SYT7: variants seen among roughly 807,000 people sequenced by gnomAD.
The protein encoded by SYT7 is synaptotagmin-7.
In SYT7, 29 loss-of-function variants were observed where a neutral mutation model predicts 75.1. The observed-to-expected ratio is 0.39, with a 90% CI of 0.29 to 0.53. SYT7 has a LOEUF of 0.53. Ranked by LOEUF, SYT7 falls within the 20% of genes least tolerant of loss-of-function variation. The probability of loss-of-function intolerance (pLI) is 0.77; values close to 1 mark genes in which losing one functional copy is unlikely to be tolerated. For missense variants in SYT7, 693 were observed against 953.2 expected (o/e 0.73, Z 3.59); for synonymous variants, 376 against 401.7 (o/e 0.94, Z 0.76).
At chr11:61,529,295 G>A (rs2062628067) in intron 8 of SYT7, among the ~76,000 whole-genome samples, 1 of 152,186 alleles carries the variant, frequency 6.6e-6, no homozygotes, top group Non-Finnish European at 1.5e-5. Context: ...TCATCCTGGA[G>A]AGGCAGCCCT....
At chr11:61,521,298 C>T (rs2062321227) in intron 12 of SYT7, among the ~76,000 whole-genome samples, 1 of 152,202 alleles carries the variant, frequency 6.6e-6, no homozygotes, top group African/African-American at 2.4e-5. Context: ...TTTGGTTCAG[C>T]CAACAGAAGG....
At chr11:61,533,612 G>T (rs769886949) in intron 7 of SYT7, 15 of 985,220 alleles carry the variant, frequency 1.5e-5, no homozygotes, top group African/African-American at 1.7e-5. Context: ...ACCTGTGTTT[G>T]CTTGGGCTCA....
chr11:61,572,522 T>C (rs748558405), intron 1 of SYT7, among the ~76,000 whole-genome samples: 1 of 152,190 alleles, frequency 6.6e-6, no homozygotes, highest in Non-Finnish European at 1.5e-5. Context: ...CCTGCTCTAC[T>C]GAGTGACCCG....
chr11:61,545,320 G>T (rs1391661375), intron 5 of SYT7, among the ~76,000 whole-genome samples: 1 of 152,236 alleles, frequency 6.6e-6, no homozygotes, highest in Non-Finnish European at 1.5e-5. Flanking sequence ...CATCTGGCAA[G>T]TGAAGCTAGC....
At position 61,513,904 on chromosome 11, in the gene SYT7, C is replaced by T. The variant is rs1478137117; in HGVS notation, c.*4723G>A. Among the ~76,000 whole-genome samples the T allele has an allele frequency of 3.9e-5, 6 of 152,156 alleles. No individual in the cohort carries two copies. Among genetic ancestry groups the T allele is most frequent in the East Asian group, 1.9e-4 (1 of 5,188 alleles). On this transcript the variant is annotated 3_prime_UTR_variant, in exon 13 of 13. Coordinates refer to ENST00000539008, the MANE Select transcript of SYT7 (RefSeq NM_001365809.2). ...TCTGGGGAGCCACGAGCTGGGGCAT[C>T]GGCGTGCTCAAGGCTTGTCCTTCTG... is the stretch of plus-strand genomic sequence containing the variant.
intron 6 of SYT7, chr11:61,539,810 G>C (rs962303879): frequency 1.3e-5 from 2 of 152,162 alleles, no homozygotes; most frequent in African/African-American, 4.8e-5. Flanking sequence ...AGTGGCTGCT[G>C]TGCCCCTCCC....
chr11:61,554,178 C>T (rs1411057242), intron 2 of SYT7, among the ~76,000 whole-genome samples: 2 of 152,116 alleles, frequency 1.3e-5, no homozygotes, highest in Non-Finnish European at 2.9e-5. Flanking sequence ...GCTGCAAAAG[C>T]TGTTGTCTTT....
rs760362204 is a variant in SYT7, at chr11:61,527,952, G to T, written c.1434C>A (p.Asn478Lys). ...AGGTCTCGTTCCAGTGGGGGTTCAG[G>T]TTCTTCCGCTTCACCTTGGTCTCCA... ...HKLETKVKRKNLNPHWNETFL... is the reference protein window; with the variant it reads ...HKLETKVKRKKLNPHWNETFL... The change falls in exon 9 of 13, where the codon AAC becomes AAA. Residue 478 changes from asparagine to lysine, a missense_variant. Physicochemically the swap from Asn to Lys is moderately conservative, Grantham distance 94. This residue lies in a region of SYT7 where 206 missense variants were observed against 360.0 expected (regional missense o/e 0.57). Transcript: ENST00000539008. 1 of 1,614,174 alleles carries T rather than the reference G, an allele frequency of 6.2e-7. No homozygotes were observed. Among genetic ancestry groups the T allele is most frequent in the Admixed American group, 1.7e-5 (1 of 60,020 alleles).
intron 1 of SYT7, among the ~76,000 whole-genome samples, chr11:61,572,367 C>T (rs1409883012): frequency 6.6e-6 from 1 of 152,222 alleles, no homozygotes; most frequent in Non-Finnish European, 1.5e-5. Context: ...AGCTCTGCAG[C>T]CAGTACCAAC....
chr11:61,543,310 C>T (rs1040561122), intron 5 of SYT7, among the ~76,000 whole-genome samples: 16 of 152,164 alleles, frequency 1.1e-4, no homozygotes, highest in African/African-American at 3.9e-4. Flanking sequence ...AGAAAGAGTG[C>T]ACACAGGGTG....
At chr11:61,545,913 A>T in intron 5 of SYT7, 118 bp downstream of exon 5, 1 of 879,042 alleles carries the variant, frequency 1.1e-6, no homozygotes, top group Non-Finnish European at 1.7e-6. Context: ...GGAATGAGCC[A>T]GGGGCCGAGG....
intron 7 of SYT7, chr11:61,533,559 C>A (rs1054864745): frequency 4.1e-6 from 4 of 985,300 alleles, no homozygotes; most frequent in Admixed American, 6.2e-5. Flanking sequence ...CGCGTCATTA[C>A]CCTCTGCAAA....
At chr11:61,582,486 A>G (rs563131356), upstream of SYT7, among the ~76,000 whole-genome samples, 44 of 151,380 alleles carry the variant, frequency 2.9e-4, no homozygotes, top group African/African-American at 9.9e-4. Context: ...TTGAAATCAC[A>G]TGGAGGCTAT....
chr11:61,578,448 G>A (rs914142346), intron 1 of SYT7, among the ~76,000 whole-genome samples: 1 of 151,978 alleles, frequency 6.6e-6, no homozygotes, highest in African/African-American at 2.4e-5. Context: ...ACTGGCCCCT[G>A]GGAGACCAGA....
intron 7 of SYT7, among the ~76,000 whole-genome samples, chr11:61,535,577 C>A (rs2062845986): frequency 6.6e-6 from 1 of 152,170 alleles, no homozygotes; most frequent in Non-Finnish European, 1.5e-5. Context: ...GTGCCGAGGC[C>A]CAGGAGCTGA....
intron 3 of SYT7, 64 bp from the exon 4 acceptor site, chr11:61,547,372 C>T (rs936711992): frequency 3.3e-6 from 5 of 1,522,062 alleles, no homozygotes; most frequent in Non-Finnish European, 4.4e-6. Context: ...AACTGCAAGT[C>T]CTGCGGGGGC....
rs1312107278 is a variant in SYT7 at position 61,514,916 on chromosome 11, G to A, written c.*3711C>T. Among the ~76,000 whole-genome samples the A allele has an allele frequency of 6.6e-6, 1 of 152,212 alleles. No individual in the cohort carries two copies. The highest frequency in any genetic ancestry group is 2.4e-5 in the African/African-American group (1 of 41,450). On this transcript the variant is annotated 3_prime_UTR_variant, in exon 13 of 13. Transcript: ENST00000539008. ...CTACAGTGGCCCCATGGATGGTGGT[G>A]GGAAAGCTGGAGCGTCCCCCTTTGG...
At chr11:61,550,817 C>G (rs1044785301) in intron 3 of SYT7, among the ~76,000 whole-genome samples, 2 of 152,158 alleles carry the variant, frequency 1.3e-5, no homozygotes, top group Admixed American at 6.5e-5. Context: ...ACAAGGAGAC[C>G]TGGGTGAGGC....
At chr11:61,568,556 G>T (rs1273339888) in intron 1 of SYT7, among the ~76,000 whole-genome samples, 1 of 152,218 alleles carries the variant, frequency 6.6e-6, no homozygotes, top group Non-Finnish European at 1.5e-5. Flanking sequence ...GGATCAGAAA[G>T]GGAGGTGACC....
Sources: gnomAD v4.1 joint callset for allele counts (sites outside exome capture counted in the v4.1 genomes callset) on GRCh38, gnomAD v4.1.1 for gene constraint, gnomAD v4.1.1 regional missense constraint, MANE v1.5 for transcripts, NCBI Gene and HGNC (gene_info 2026-07-23, HGNC 2026-07-21) for gene names.